Variants in LHFPL1 observed in about 807,000 individuals in gnomAD.
LHFPL1 encodes the protein LHFPL tetraspan subfamily member 1, also known as LHFPL tetraspan subfamily member 1 protein.
A neutral mutation model predicts 12.1 loss-of-function variants in LHFPL1; 4 were observed. The ratio of observed to expected loss-of-function variants is 0.33; its 90% CI spans 0.16 to 0.76. The LOEUF is 0.76. Ranked by LOEUF, LHFPL1 falls within the 30% of genes least tolerant of loss-of-function variation. The probability of loss-of-function intolerance (pLI) is 0.61; values close to 1 mark genes in which losing one functional copy is unlikely to be tolerated. For synonymous variants in LHFPL1, 52 were observed against 61.9 expected, an observed-to-expected ratio of 0.84 and a Z score of 0.75; for missense variants, 141 against 174.1, an observed-to-expected ratio of 0.81 and a Z score of 1.07.
Position 112,672,010 on chromosome X carries a change from C to T in LHFPL1, c.-14-606G>A, listed in dbSNP as rs757575090. ...ACATGTCCAGCAGTGTGTTAGTGCGCGCTTTTCAACTGGGATGCATCAGCC... is the reference window on the plus strand; with the variant it reads ...ACATGTCCAGCAGTGTGTTAGTGCGTGCTTTTCAACTGGGATGCATCAGCC... On this transcript the variant is annotated intron_variant, in intron 1 of 3. Transcript: ENST00000371968. Among the ~76,000 whole-genome samples the T allele has an allele frequency of 1.0e-3, 111 of 111,460 alleles. 2 individuals carry two copies. Among genetic ancestry groups the T allele is most frequent in the Admixed American group, 6.0e-3 (63 of 10,519 alleles).
chrX:112,678,798 T>C (rs1427222848), intron 1 of LHFPL1, among the ~76,000 whole-genome samples: 1 of 111,904 alleles, frequency 8.9e-6, no homozygotes, highest in Admixed American at 9.5e-5. Context: ...AAATCCTCAA[T>C]TTATTCTAAT....
chrX:112,637,241 G>C (rs1379069571), intron 3 of LHFPL1, among the ~76,000 whole-genome samples: 1 of 111,938 alleles, frequency 8.9e-6, no homozygotes, highest in African/African-American at 3.3e-5. Flanking sequence ...ACATCAAATT[G>C]GATTGGAATT....
intron 2 of LHFPL1, among the ~76,000 whole-genome samples, chrX:112,663,965 C>T (rs774224921): frequency 8.9e-6 from 1 of 111,881 alleles, no homozygotes; most frequent in African/African-American, 3.2e-5. Context: ...ACTTGTCCCT[C>T]GGTATTCACA....
intron 3 of LHFPL1, 133 bp downstream of exon 3, chrX:112,660,494 C>T: frequency 2.0e-6 from 1 of 508,212 alleles, no homozygotes; most frequent in South Asian, 3.3e-5. Flanking sequence ...AGTTAAGCTA[C>T]CACTTCCCAT....
At chrX:112,661,313 C>A (rs1026501320) in intron 2 of LHFPL1, among the ~76,000 whole-genome samples, 1 of 110,764 alleles carries the variant, frequency 9.0e-6, no homozygotes, top group Non-Finnish European at 1.9e-5. Flanking sequence ...GGATGAAGGC[C>A]CTTTTATTTA....
intron 3 of LHFPL1, among the ~76,000 whole-genome samples, chrX:112,653,143 C>A (rs779996577): frequency 8.9e-6 from 1 of 112,062 alleles, no homozygotes; most frequent in East Asian, 2.8e-4. Context: ...GGTATTACTT[C>A]ATATCTTTAA....
chrX:112,679,541 C>T (rs759664833), intron 1 of LHFPL1, among the ~76,000 whole-genome samples: 13 of 111,934 alleles, frequency 1.2e-4, no homozygotes, highest in African/African-American at 4.2e-4. Flanking sequence ...AGGTTACCAA[C>T]TCCCCTGGGG....
chrX:112,633,365 C>A (rs761863232), intron 3 of LHFPL1, among the ~76,000 whole-genome samples: 3 of 112,315 alleles, frequency 2.7e-5, no homozygotes, highest in South Asian at 3.6e-4. Flanking sequence ...TGGAATGTGC[C>A]CTGATCCCTT....
intron 3 of LHFPL1, among the ~76,000 whole-genome samples, chrX:112,657,023 C>T (rs1416036642): frequency 2.7e-5 from 3 of 112,175 alleles, no homozygotes; most frequent in African/African-American, 3.2e-5. Flanking sequence ...ATTAGAAGTA[C>T]AGTTTCTACT....
intron 3 of LHFPL1, among the ~76,000 whole-genome samples, chrX:112,632,915 C>T (rs140259772): frequency 9.0e-6 from 1 of 111,344 alleles, no homozygotes; most frequent in Non-Finnish European, 1.9e-5. Context: ...AACATCTTCT[C>T]TCCTCTTATT....
intron 3 of LHFPL1, among the ~76,000 whole-genome samples, chrX:112,636,644 T>C (rs1359271147): frequency 9.0e-6 from 1 of 111,611 alleles, no homozygotes; most frequent in Non-Finnish European, 1.9e-5. Context: ...TCACAAGGTA[T>C]TGAGGAGGAA....
intron 3 of LHFPL1, among the ~76,000 whole-genome samples, chrX:112,659,161 G>A (rs896654041): frequency 9.0e-5 from 10 of 111,593 alleles, no homozygotes; most frequent in Admixed American, 1.9e-4. Flanking sequence ...TTCTTTTTGG[G>A]CTGATGAAAA....
intron 3 of LHFPL1, among the ~76,000 whole-genome samples, chrX:112,648,366 T>A (rs1489644874): frequency 9.0e-6 from 1 of 111,656 alleles, no homozygotes; most frequent in African/African-American, 3.3e-5. Flanking sequence ...TAGGGACAGA[T>A]GGCCATACAA....
chrX:112,679,308 A>G (rs184010995), intron 1 of LHFPL1, among the ~76,000 whole-genome samples: 2 of 112,176 alleles, frequency 1.8e-5, no homozygotes, highest in East Asian at 5.6e-4. Flanking sequence ...ACTCATAAAT[A>G]TTTACCAAAT....
intron 2 of LHFPL1, among the ~76,000 whole-genome samples, chrX:112,668,791 C>G (rs924108146): frequency 8.9e-6 from 1 of 112,233 alleles, no homozygotes; most frequent in Non-Finnish European, 1.9e-5. Context: ...TGAAATGCAT[C>G]ATATGGAGAA....
At chrX:112,633,125 T>G (rs748696031) in intron 3 of LHFPL1, among the ~76,000 whole-genome samples, 1 of 112,201 alleles carries the variant, frequency 8.9e-6, no homozygotes, top group South Asian at 3.7e-4. Flanking sequence ...TATCTGCCCT[T>G]TCCTCTCTTC....
intron 3 of LHFPL1, among the ~76,000 whole-genome samples, chrX:112,657,680 G>T (rs932825938): frequency 2.7e-5 from 3 of 111,105 alleles, no homozygotes; most frequent in African/African-American, 9.8e-5. Flanking sequence ...ATTCAATGAG[G>T]GGAAATAATA....
In LHFPL1 at chrX:112,671,226, C is replaced by T; in HGVS notation, c.165G>A (p.Arg55=). Reference sequence around the variant, plus strand: ...CCATGATCAGACTGTGTCCCTCTCCCCGCACAGGGTAGTTGCACCTCCGGA... The same window carrying T: ...CCATGATCAGACTGTGTCCCTCTCCTCGCACAGGGTAGTTGCACCTCCGGA... The part of the protein sequence containing the change: ...STFRRCNYPV[R]GEGHSLIMVE... Residue 55 remains arginine (R), a synonymous_variant, in exon 2 of 4, where the codon CGG becomes CGA. Coordinates refer to ENST00000371968, the MANE Select transcript of LHFPL1 (RefSeq NM_178175.4). The T allele has an allele frequency of 8.3e-7, 1 of 1,212,061 alleles. No individual in the cohort carries two copies. The highest frequency in any genetic ancestry group is 1.1e-6 in the Non-Finnish European group (1 of 895,537).
At chrX:112,666,196 T>C (rs193208108) in intron 2 of LHFPL1, among the ~76,000 whole-genome samples, 1 of 112,096 alleles carries the variant, frequency 8.9e-6, no homozygotes, top group Admixed American at 9.5e-5. Context: ...TGGGTTAATT[T>C]GTTATTATAA....
Sources: gnomAD v4.1 joint callset for allele counts (sites outside exome capture counted in the v4.1 genomes callset) on GRCh38, gnomAD v4.1.1 for gene constraint, MANE v1.5 for transcripts, NCBI Gene and HGNC (gene_info 2026-07-23, HGNC 2026-07-21) for gene names.